SLMAP: variants seen among roughly 807,000 people sequenced by gnomAD.
The protein encoded by SLMAP is sarcolemmal membrane-associated protein.
Under a neutral mutation model 128.8 loss-of-function variants are expected in SLMAP, and 44 were observed. The observed-to-expected ratio is 0.34, with a 90% CI of 0.27 to 0.44. The LOEUF (loss-of-function observed/expected upper bound fraction) is 0.44. SLMAP is among the 20% of genes least tolerant of loss of function. SLMAP has a pLI of 1.00. For synonymous variants in SLMAP, 327 were observed against 348.8 expected, an observed-to-expected ratio of 0.94 and a Z score of 0.70; for missense variants, 787 against 985.3, an observed-to-expected ratio of 0.80 and a Z score of 2.69.
intron 5 of SLMAP, among the ~76,000 whole-genome samples, chr3:57,849,507 G>T (rs2094429276): frequency 6.6e-6 from 1 of 152,096 alleles, no homozygotes; most frequent in African/African-American, 2.4e-5. Flanking sequence ...AGTATTTAAT[G>T]ATGAATTTTA....
chr3:57,885,102 C>T (rs1287469035), intron 14 of SLMAP, among the ~76,000 whole-genome samples: 10 of 141,528 alleles, frequency 7.1e-5, no homozygotes, highest in East Asian at 4.2e-4. Context: ...AACGGAGTTT[C>T]GCTCTTGTTG....
intron 2 of SLMAP, among the ~76,000 whole-genome samples, chr3:57,785,872 C>T (rs1046126825): frequency 2.0e-5 from 3 of 152,152 alleles, no homozygotes; most frequent in Non-Finnish European, 4.4e-5. Flanking sequence ...AACATTTTCA[C>T]GTTAACTATG....
At position 57,757,799 on chromosome 3, in the gene SLMAP, G is replaced by GTGCT; in HGVS notation, c.149_152dup (p.Ser52AlafsTer11). 1 of 1,614,208 alleles carries GTGCT rather than the reference G, an allele frequency of 6.2e-7. No homozygotes were observed. Among genetic ancestry groups the GTGCT allele is most frequent in the Non-Finnish European group, 8.5e-7 (1 of 1,180,036 alleles). ...GAATAATGCCACTTTTGATTGCAAA[G>GTGCT]TGCTATCAAGGAACCACGCTCTCGT... On this transcript the variant is annotated frameshift_variant, in exon 2 of 25. Coordinates refer to ENST00000671191, the MANE Select transcript of SLMAP (RefSeq NM_001377540.1). LOFTEE classifies it high-confidence loss of function.
Position 57,857,786 on chromosome 3 carries a change from G to T in SLMAP, c.573G>T (p.Arg191=). ...AACAGAAGTTAGCCACGCTTCAGCG[G>T]CTACTAGCCATCACCCAAGAGGCTT... ...MLEQKLATLQ[R]LLAITQEASD... Residue 191 remains arginine, a synonymous_variant, in exon 7 of 25, where the codon CGG becomes CGT. Coordinates refer to ENST00000671191, the MANE Select transcript of SLMAP (RefSeq NM_001377540.1). The T allele has an allele frequency of 1.9e-6, 3 of 1,613,886 alleles. No individual in the cohort carries two copies. Among genetic ancestry groups the T allele is most frequent in the Non-Finnish European group, 2.5e-6 (3 of 1,179,762 alleles).
chr3:57,842,694 A>G (rs545937235), intron 4 of SLMAP, among the ~76,000 whole-genome samples: 14 of 152,242 alleles, frequency 9.2e-5, no homozygotes, highest in South Asian at 8.3e-4. Flanking sequence ...TTGTGTCTCT[A>G]TCCTTTGTGT....
intron 2 of SLMAP, among the ~76,000 whole-genome samples, chr3:57,825,741 T>A (rs1025828010): frequency 6.6e-6 from 1 of 152,156 alleles, no homozygotes; most frequent in Non-Finnish European, 1.5e-5. Flanking sequence ...TAAGGTCTGC[T>A]CTGCTCCCTC....
intron 2 of SLMAP, chr3:57,800,683 A>G (rs757857325): frequency 6.5e-6 from 1 of 152,698 alleles, no homozygotes; most frequent in Non-Finnish European, 1.5e-5. Context: ...CACATAGAAT[A>G]TTCATTCTGT....
chr3:57,910,720 T>C (rs1442870428), intron 19 of SLMAP, among the ~76,000 whole-genome samples: 3 of 152,210 alleles, frequency 2.0e-5, no homozygotes, highest in Admixed American at 6.5e-5. Context: ...CCCATGCCAT[T>C]GTAAAATTCC....
At chr3:57,925,398 A>AGCTCACTGCAACCTCTG (rs944713825) in intron 23 of SLMAP, among the ~76,000 whole-genome samples, 2 of 148,396 alleles carry the variant, frequency 1.3e-5, no homozygotes, top group African/African-American at 5.0e-5. Context: ...TGGCACTCTC[A>AGCTCACTGCAACCTCTG]GCTCACTGCA....
intron 2 of SLMAP, among the ~76,000 whole-genome samples, chr3:57,804,039 T>C (rs1576743573): frequency 6.6e-6 from 1 of 152,356 alleles, no homozygotes; most frequent in East Asian, 1.9e-4. Flanking sequence ...CACTCCCAGT[T>C]AGTATAGCAT....
intron 19 of SLMAP, among the ~76,000 whole-genome samples, chr3:57,909,784 G>A (rs1208846024): frequency 6.6e-6 from 1 of 151,898 alleles, no homozygotes; most frequent in Non-Finnish European, 1.5e-5. Flanking sequence ...AGCTAATTTT[G>A]TATTTTTAGT....
chr3:57,852,150 A>G (rs1423772317), intron 6 of SLMAP, among the ~76,000 whole-genome samples: 2 of 152,016 alleles, frequency 1.3e-5, no homozygotes, highest in Non-Finnish European at 2.9e-5. Context: ...TGACCTCGTT[A>G]TCTGCCCACC....
chr3:57,831,311 T>C (rs1456125924), intron 2 of SLMAP, 72 bp from the exon 3 acceptor site: 2 of 1,155,324 alleles, frequency 1.7e-6, no homozygotes, highest in Non-Finnish European at 2.3e-6. Context: ...CTGGAAGCAT[T>C]TTTTTAAAAA....
At chr3:57,882,257 G>T (rs151051056) in intron 14 of SLMAP, among the ~76,000 whole-genome samples, 4 of 152,218 alleles carry the variant, frequency 2.6e-5, no homozygotes, top group African/African-American at 9.6e-5. Flanking sequence ...GACAAAGAAG[G>T]CTTTGCCTTC....
intron 2 of SLMAP, among the ~76,000 whole-genome samples, chr3:57,791,732 T>A (rs894926555): frequency 6.6e-6 from 1 of 152,168 alleles, no homozygotes; most frequent in African/African-American, 2.4e-5. Flanking sequence ...TATTTAAAAA[T>A]TATAATTTTA....
At chr3:57,821,066 A>G (rs2092459584) in intron 2 of SLMAP, among the ~76,000 whole-genome samples, 1 of 152,234 alleles carries the variant, frequency 6.6e-6, no homozygotes, top group Non-Finnish European at 1.5e-5. Flanking sequence ...TTAATTTGAA[A>G]GCATATTTAA....
At chr3:57,867,218 C>T (rs752126188) in intron 13 of SLMAP, among the ~76,000 whole-genome samples, 3 of 152,072 alleles carry the variant, frequency 2.0e-5, no homozygotes, top group Non-Finnish European at 2.9e-5. Flanking sequence ...TCAGTCATCA[C>T]CCTCTTGATT....
intron 2 of SLMAP, among the ~76,000 whole-genome samples, chr3:57,830,758 A>G (rs1022248408): frequency 2.0e-5 from 3 of 152,064 alleles, no homozygotes; most frequent in Admixed American, 2.0e-4. Context: ...TTTTGTAAGC[A>G]CTCATGTACT....
chr3:57,881,657 A>G (rs2095747778), intron 14 of SLMAP, among the ~76,000 whole-genome samples: 2 of 151,906 alleles, frequency 1.3e-5, no homozygotes, highest in Non-Finnish European at 2.9e-5. Context: ...AGGGTTTCAC[A>G]GTGTTGGCCA....
Sources: allele counts gnomAD v4.1 joint callset (sites outside exome capture counted in the v4.1 genomes callset), GRCh38; gene constraint gnomAD v4.1.1; transcripts MANE v1.5; gene names NCBI Gene and HGNC (gene_info 2026-07-23, HGNC 2026-07-21).